CASP2: variants seen among roughly 807,000 people sequenced by gnomAD.
CASP2 encodes caspase-2.
CASP2 carries 38 observed loss-of-function variants against 54.4 expected under a neutral mutation model. That is an observed-to-expected ratio of 0.70 (90% CI 0.54 to 0.92). The LOEUF is 0.92. Among genes scored for constraint, CASP2 ranks in the 40% least tolerant of loss-of-function variants. The pLI is 0.00. For missense variants in CASP2, 512 were observed against 579.6 expected (o/e 0.88, Z 1.20); for synonymous variants, 215 against 216.3 (o/e 0.99, Z 0.05).
In CASP2 at chr7:143,294,281, T is replaced by TGAA; in HGVS notation, c.529_531dup (p.Lys177dup). Reference sequence around the variant, plus strand: ...AAAGATGGTCCTGTCTGCCTTCAGGTGAAGCCTTGCACTCCTGAATTTTAT... The same window carrying TGAA: ...AAAGATGGTCCTGTCTGCCTTCAGGTGAAGAAGCCTTGCACTCCTGAATTTTAT... On this transcript the variant is annotated inframe_insertion, in exon 5 of 11. Transcript: ENST00000310447. 1 of 1,612,836 alleles carries TGAA rather than the reference T, an allele frequency of 6.2e-7. No homozygotes were observed. The highest frequency in any genetic ancestry group is 1.3e-5 in the African/African-American group (1 of 75,030).
At chr7:143,290,341 C>T (rs922662564) in intron 1 of CASP2, among the ~76,000 whole-genome samples, 1 of 152,130 alleles carries the variant, frequency 6.6e-6, no homozygotes, top group African/African-American at 2.4e-5. Context: ...GGATTACAGG[C>T]ATGAGCCACC....
intron 8 of CASP2, chr7:143,302,949 C>T (rs1307120504): frequency 3.3e-5 from 5 of 151,958 alleles, no homozygotes; most frequent in African/African-American, 4.8e-5. Context: ...AAGTTCTCCC[C>T]ACTTTAAGTT....
At position 143,307,494 on chromosome 7, in the gene CASP2, A is replaced by G. The variant is rs180944601; in HGVS notation, c.*2423A>G. ...TGAGATAACTTCCTTCACATCTCCCATGGTCCCTAGCAAAATGCTAGGCCT... is the reference window on the plus strand; with the variant it reads ...TGAGATAACTTCCTTCACATCTCCCGTGGTCCCTAGCAAAATGCTAGGCCT... On this transcript the variant is annotated 3_prime_UTR_variant, in exon 11 of 11. Coordinates refer to ENST00000310447, the MANE Select transcript of CASP2 (RefSeq NM_032982.4). 1.3e-5 allele frequency: 2 copies of G among 152,326 alleles called. No homozygotes were observed. Among genetic ancestry groups the G allele is most frequent in the East Asian group, 3.9e-4 (2 of 5,182 alleles). The allele number at this position is 152,326 out of a possible 1,614,324, so 9.4% of individuals were successfully genotyped here.
At position 143,299,988 on chromosome 7, in the gene CASP2, C is replaced by T. The variant is rs200779188; in HGVS notation, c.813C>T (p.Ile271=). The change falls in exon 7 of 11, where the codon ATC becomes ATT. Residue 271 remains isoleucine (I), a synonymous_variant. Coordinates refer to ENST00000310447, the MANE Select transcript of CASP2 (RefSeq NM_032982.4). ...LPAHRVTDSC[I]VALLSHGVEG... is the part of the protein sequence containing the mutation. Reference sequence around the variant, plus strand: ...CACACCGAGTCACGGACTCCTGCATCGTGGCACTCCTCTCGCATGGTGTGG... The same window carrying T: ...CACACCGAGTCACGGACTCCTGCATTGTGGCACTCCTCTCGCATGGTGTGG... 8.0e-5 allele frequency: 129 copies of T among 1,614,072 alleles called. No homozygotes were observed. In the South Asian group the frequency reaches 1.3e-3, roughly 16 times the overall value.
rs202090018 is a variant in CASP2, at chr7:143,307,672, A to G, written c.*2601A>G. On this transcript the variant is annotated 3_prime_UTR_variant, in exon 11 of 11. Coordinates refer to ENST00000310447, the MANE Select transcript of CASP2 (RefSeq NM_032982.4). Reference sequence around the variant, plus strand: ...GATTTTGTATTGCCATCGGGTGCCAAATAAATGCTCATATTTATTACTGAT... The same window carrying G: ...GATTTTGTATTGCCATCGGGTGCCAGATAAATGCTCATATTTATTACTGAT... 1 of 152,208 alleles carries G rather than the reference A, an allele frequency of 6.6e-6. No individual in the cohort carries two copies. The highest frequency in any genetic ancestry group is 2.4e-5 in the African/African-American group (1 of 41,450). The allele number at this position is 152,208 out of a possible 1,614,324, so 9.4% of individuals were successfully genotyped here.
At position 143,305,000 on chromosome 7, in the gene CASP2, AAGG is replaced by A; in HGVS notation, c.1291_1293del (p.Glu431del). 1.2e-6 allele frequency: 2 copies of A among 1,614,194 alleles called. No homozygotes were observed. Among genetic ancestry groups the A allele is most frequent in the Non-Finnish European group, 1.7e-6 (2 of 1,180,026 alleles). ...TCCTGGCACAGAATTCCACCGGTGC[AAGG>A]AGATGTCTGAATACTGCAGCACTCT... On this transcript the variant is annotated inframe_deletion, in exon 11 of 11. Transcript: ENST00000310447.
At chr7:143,289,345 A>G (rs1055008353) in intron 1 of CASP2, among the ~76,000 whole-genome samples, 14 of 152,212 alleles carry the variant, frequency 9.2e-5, no homozygotes, top group Admixed American at 3.9e-4. Context: ...GCGGGTGTGC[A>G]GAGGGGGTGA....
intron 1 of CASP2, among the ~76,000 whole-genome samples, chr7:143,291,337 C>T (rs183396588): frequency 1.0e-3 from 156 of 152,332 alleles, no homozygotes; most frequent in Middle Eastern, 6.8e-3. Context: ...TGAACATAAA[C>T]CATAAGGAAT....
intron 6 of CASP2, among the ~76,000 whole-genome samples, chr7:143,299,277 T>C (rs979846270): frequency 5.3e-5 from 8 of 152,346 alleles, no homozygotes; most frequent in Admixed American, 4.6e-4. Flanking sequence ...CTGAGTAAGC[T>C]GTTCCAACTC....
chr7:143,293,190 C>A lies in CASP2; in HGVS notation c.475+492C>A, dbSNP rs1228697161. The A allele has an allele frequency of 1.2e-5, 8 of 654,630 alleles. 1 individual carries two copies. Among genetic ancestry groups the A allele is most frequent in the Middle Eastern group, 8.0e-4 (2 of 2,490 alleles). The allele number at this position is 654,630 out of a possible 1,614,324, so 40.6% of individuals were successfully genotyped here. A position where few individuals can be genotyped will look rare whatever the true frequency, so the allele number is the denominator to read the frequency against. ...TCACCCAGGCTGGAATGCAGTGACA[C>A]CACCATAGCTCACTGCAGCGTTGAA... On this transcript the variant is annotated intron_variant, in intron 4 of 10. Coordinates refer to ENST00000310447, the MANE Select transcript of CASP2 (RefSeq NM_032982.4).
intron 1 of CASP2, 94 bp from the exon 2 acceptor site, chr7:143,291,446 A>T: frequency 8.0e-7 from 1 of 1,244,518 alleles, no homozygotes; most frequent in Middle Eastern, 1.9e-4. Flanking sequence ...TGTAAGTCTT[A>T]TTCTTTTTGT....
chr7:143,293,190 C>G (rs1228697161), intron 4 of CASP2: 1 of 654,630 alleles, frequency 1.5e-6, no homozygotes, highest in Non-Finnish European at 2.7e-6. Context: ...TGCAGTGACA[C>G]CACCATAGCT....
At chr7:143,302,828 G>C (rs774706733) in intron 8 of CASP2, 2 of 152,132 alleles carry the variant, frequency 1.3e-5, no homozygotes, top group African/African-American at 4.8e-5. Flanking sequence ...AGTCTGTCTT[G>C]GGATACATAA....
In CASP2 at chr7:143,305,064, C is replaced by G. The variant is rs1802029068; in HGVS notation, c.1352C>G (p.Pro451Arg). The change falls in exon 11 of 11, where the codon CCC (proline) becomes CGC (arginine). Residue 451 changes from proline to arginine, a missense_variant. Transcript: ENST00000310447. Reference sequence around the variant, plus strand: ...CTCTACCTGTTCCCAGGACACCCTCCCACATGATGTCACCTCCCCATCATC... The same window carrying G: ...CTCTACCTGTTCCCAGGACACCCTCGCACATGATGTCACCTCCCCATCATC... ...RHLYLFPGHP[P>R]T The G allele has an allele frequency of 1.2e-6, 2 of 1,614,110 alleles. No homozygotes were observed. The highest frequency in any genetic ancestry group is 3.3e-5 in the Admixed American group (2 of 60,006).
At chr7:143,301,356 G>A (rs569289230) in intron 8 of CASP2, 1 of 152,030 alleles carries the variant, frequency 6.6e-6, no homozygotes, top group East Asian at 1.9e-4. Flanking sequence ...AGTCTGCTGA[G>A]GCCCTGCAAC....
At chr7:143,298,864 T>C (rs1801832577) in intron 6 of CASP2, 1 of 152,032 alleles carries the variant, frequency 6.6e-6, no homozygotes. Flanking sequence ...ACTACAACAT[T>C]GACCAGTAAT....
At chr7:143,292,765 C>T (rs1801615274) in intron 4 of CASP2, 67 bp downstream of exon 4, 1 of 1,316,456 alleles carries the variant, frequency 7.6e-7, no homozygotes, top group East Asian at 2.3e-5. Context: ...AATCCCAGCA[C>T]TTTGCGGGGC....
intron 6 of CASP2, among the ~76,000 whole-genome samples, chr7:143,296,013 C>A (rs1297437513): frequency 4.6e-5 from 7 of 152,124 alleles, no homozygotes; most frequent in Non-Finnish European, 4.4e-5. Context: ...TTGGTCTAGC[C>A]ATGTCTTTTA....
rs746422984 is a variant in CASP2 at position 143,305,122 on chromosome 7, G to T, written c.*51G>T. 31 of 1,610,118 alleles carry T rather than the reference G, an allele frequency of 1.9e-5. No homozygotes were observed. The highest frequency in any genetic ancestry group is 2.5e-5 in the Non-Finnish European group (29 of 1,176,690). Reference sequence around the variant, plus strand: ...AGTGGAAGCCACTGGACCACAGGAGGTGTGATAGAGCCTTTGATCTTCAGG... The same window carrying T: ...AGTGGAAGCCACTGGACCACAGGAGTTGTGATAGAGCCTTTGATCTTCAGG... On this transcript the variant is annotated 3_prime_UTR_variant, in exon 11 of 11. Transcript: ENST00000310447.
Sources: gnomAD v4.1 joint callset for allele counts (sites outside exome capture counted in the v4.1 genomes callset) on GRCh38, gnomAD v4.1.1 for gene constraint, MANE v1.5 for transcripts, NCBI Gene and HGNC (gene_info 2026-07-23, HGNC 2026-07-21) for gene names.